Variants in ELN observed in about 807,000 individuals in gnomAD.
ELN encodes the protein elastin.
Under a neutral mutation model 105.8 loss-of-function variants are expected in ELN, and 65 were observed. The ratio of observed to expected loss-of-function variants is 0.61; its 90% CI spans 0.50 to 0.75. ELN has a LOEUF of 0.75. Among genes scored for constraint, ELN ranks in the 30% least tolerant of loss-of-function variants. The pLI is 0.00. For synonymous variants in ELN, 368 were observed against 389.2 expected (o/e 0.95, Z 0.64); for missense variants, 882 against 969.4 (o/e 0.91, Z 1.20).
rs1294757155 is a variant in ELN, at chr7:74,069,851, GAA to G, written c.*1154_*1155del. On this transcript the variant is annotated 3_prime_UTR_variant, in exon 33 of 33. Transcript: ENST00000252034. Reference sequence around the variant, plus strand: ...TGAAACACACCTTTTTTTTTAATAAGAAAAGAGAATTAACTGCTTCAGAAATG... The same window carrying G: ...TGAAACACACCTTTTTTTTTAATAAGAAGAGAATTAACTGCTTCAGAAATG... The G allele has an allele frequency of 1.0e-5, 2 of 197,330 alleles. No homozygotes were observed. The highest frequency in any genetic ancestry group is 4.7e-5 in the African/African-American group (2 of 42,940). 12.2% of individuals were successfully genotyped at this position (197,330 alleles called of 1,614,324 possible). A position where few individuals can be genotyped will look rare whatever the true frequency, so the allele number is the denominator to read the frequency against.
At chr7:74,031,806 A>C (rs1462500408) in intron 1 of ELN, among the ~76,000 whole-genome samples, 3 of 151,232 alleles carry the variant, frequency 2.0e-5, no homozygotes, top group Non-Finnish European at 2.9e-5. Flanking sequence ...AAAGAGAGAG[A>C]GAGAGAGAGA....
intron 10 of ELN, chr7:74,045,983 T>G: frequency 3.1e-6 from 2 of 645,436 alleles, no homozygotes; most frequent in Non-Finnish European, 5.3e-6. Flanking sequence ...TGCGGTGAGT[T>G]GAGATCACCC....
At chr7:74,029,377 G>C (rs1271514268) in intron 1 of ELN, among the ~76,000 whole-genome samples, 1 of 152,188 alleles carries the variant, frequency 6.6e-6, no homozygotes, top group Non-Finnish European at 1.5e-5. Context: ...TATGGGGTTT[G>C]AGGGTGTGCC....
rs1347911960 is a variant in ELN at position 74,036,645 on chromosome 7, T to C, written c.163+61T>C. The stretch of plus-strand genomic sequence containing the variant: ...GGGCCTGGGTTTCACCCGAGCCACA[T>C]GCATCCTCAGACCTGAGAACCCTGG... On this transcript the variant is annotated intron_variant, in intron 3 of 32. Transcript: ENST00000252034. 1.4e-5 allele frequency: 23 copies of C among 1,612,232 alleles called. No individual in the cohort carries two copies. In the African/African-American group the frequency reaches 2.8e-4, roughly 20 times the overall value.
rs1563836852 is a variant in ELN at position 74,056,355 on chromosome 7, GAGGTATCCCTGGAGTCGC to G, written c.1240_1257del (p.Ile414_Gly419del). 1 of 1,613,668 alleles carries G rather than the reference GAGGTATCCCTGGAGTCGC, an allele frequency of 6.2e-7. No individual in the cohort carries two copies. Among genetic ancestry groups the G allele is most frequent in the East Asian group, 2.2e-5 (1 of 44,878 alleles). ...TTTCCCGGCTTTGGTGTCGGAGTCG[GAGGTATCCCTGGAGTCGC>G]AGGTGTCCCTGGTGTCGGAGGTGTT... On this transcript the variant is annotated inframe_deletion, in exon 20 of 33. Coordinates refer to ENST00000252034, the MANE Select transcript of ELN (RefSeq NM_000501.4).
chr7:74,032,185 A>G (rs1554662800), intron 1 of ELN, among the ~76,000 whole-genome samples: 2 of 152,200 alleles, frequency 1.3e-5, no homozygotes. Context: ...TGCAAGAGAC[A>G]AGTTCCACCC....
At chr7:74,068,477 C>T (rs1463266243) in intron 32 of ELN, among the ~76,000 whole-genome samples, 180 bp from the exon 33 acceptor site, 1 of 152,212 alleles carries the variant, frequency 6.6e-6, no homozygotes, top group African/African-American at 2.4e-5. Flanking sequence ...GGGGCTTCTC[C>T]CGCCCCATCT....
intron 32 of ELN, among the ~76,000 whole-genome samples, chr7:74,067,227 T>C (rs980358919): frequency 6.6e-6 from 1 of 151,768 alleles, no homozygotes; most frequent in Non-Finnish European, 1.5e-5. Context: ...GAAACCATCC[T>C]GGCTGAAACG....
rs368614665 is a variant in ELN, at chr7:74,045,210, G to C, written c.470-12G>C. 2.9e-5 allele frequency: 46 copies of C among 1,613,794 alleles called. No homozygotes were observed. The highest frequency in any genetic ancestry group is 3.8e-5 in the Non-Finnish European group (45 of 1,180,028). On this transcript the variant is annotated splice_polypyrimidine_tract_variant and intron_variant, in intron 9 of 32. Coordinates refer to ENST00000252034, the MANE Select transcript of ELN (RefSeq NM_000501.4). The stretch of plus-strand genomic sequence containing the variant: ...CCTGCCTTCCTACACTCACTGCTTT[G>C]TCCCCCGGCAGGAGCTCGGTTCCCC...
chr7:74,056,750 T>C lies in ELN; in HGVS notation c.1357+37T>C, dbSNP rs782297696. The C allele has an allele frequency of 1.9e-6, 3 of 1,613,060 alleles. No individual in the cohort carries two copies. In the East Asian group the frequency reaches 6.7e-5, roughly 36 times the overall value. On this transcript the variant is annotated intron_variant, in intron 21 of 32. Coordinates refer to ENST00000252034, the MANE Select transcript of ELN (RefSeq NM_000501.4). Reference sequence around the variant, plus strand: ...TGCCCTGCCTGTCCCCAAGTCCTGCTCTCCCGCGGGGCTCAGGGTCCAACC... The same window carrying C: ...TGCCCTGCCTGTCCCCAAGTCCTGCCCTCCCGCGGGGCTCAGGGTCCAACC...
rs541439974 is a variant in ELN, at chr7:74,067,088, C to A, written c.2131+312C>A. Among the ~76,000 whole-genome samples, 23 of 152,276 alleles carry A rather than the reference C, an allele frequency of 1.5e-4. No homozygotes were observed. The South Asian group carries it at 4.8e-3, about 32-fold the overall frequency. ...ATCACCTGAGGTCAGGAGTTCAAGA[C>A]CAGCCTGGCCAACATGGCGAAACCC... is the stretch of plus-strand genomic sequence containing the variant. On this transcript the variant is annotated intron_variant, in intron 32 of 32. Transcript: ENST00000252034.
intron 4 of ELN, among the ~76,000 whole-genome samples, chr7:74,039,110 A>G (rs1790602662): frequency 6.6e-6 from 1 of 152,216 alleles, no homozygotes; most frequent in African/African-American, 2.4e-5. Flanking sequence ...GCTGGAGGGT[A>G]CATTCATTGA....
intron 26 of ELN, among the ~76,000 whole-genome samples, chr7:74,061,562 G>A (rs1796656761): frequency 6.6e-6 from 1 of 152,180 alleles, no homozygotes; most frequent in Non-Finnish European, 1.5e-5. Flanking sequence ...TGAGGCAGGA[G>A]AATCGCTTGA....
At chr7:74,060,529 T>C (rs782108780) in intron 25 of ELN, 28 bp downstream of exon 25, 1 of 1,614,206 alleles carries the variant, frequency 6.2e-7, no homozygotes, top group Non-Finnish European at 8.5e-7. Context: ...AGGCGGAGCC[T>C]GTCCCCTGAG....
chr7:74,068,098 C>A (rs184919743), intron 32 of ELN, among the ~76,000 whole-genome samples: 17 of 152,302 alleles, frequency 1.1e-4, no homozygotes, highest in African/African-American at 3.6e-4. Flanking sequence ...TTACCTAATA[C>A]AGACTGATGC....
intron 26 of ELN, 69 bp downstream of exon 26, chr7:74,061,208 G>T: frequency 6.2e-7 from 1 of 1,603,966 alleles, no homozygotes; most frequent in Non-Finnish European, 8.5e-7. Flanking sequence ...CAGGACTGGG[G>T]TGGTCACAAT....
chr7:74,029,863 C>A (rs1466695770), intron 1 of ELN, among the ~76,000 whole-genome samples: 1 of 152,234 alleles, frequency 6.6e-6, no homozygotes, highest in African/African-American at 2.4e-5. Context: ...AACAAGGAAG[C>A]TGAGGCTCCG....
At chr7:74,047,245 A>G (rs1792789381) in intron 12 of ELN, among the ~76,000 whole-genome samples, 1 of 152,028 alleles carries the variant, frequency 6.6e-6, no homozygotes, top group Non-Finnish European at 1.5e-5. Context: ...CAGGTATTGA[A>G]CTCACACACA....
At chr7:74,043,318 G>C (rs1366364195) in intron 8 of ELN, 150 bp downstream of exon 8, 23 of 1,220,906 alleles carry the variant, frequency 1.9e-5, no homozygotes, top group African/African-American at 3.0e-5. Context: ...GCTGGTGCCT[G>C]CGTCTGTGAA....
Sources: gnomAD v4.1 joint callset for allele counts (sites outside exome capture counted in the v4.1 genomes callset) on GRCh38, gnomAD v4.1.1 for gene constraint, MANE v1.5 for transcripts, NCBI Gene and HGNC (gene_info 2026-07-23, HGNC 2026-07-21) for gene names.